The following KLHL32 variants were observed in gnomAD, a reference collection of about 807,000 sequenced individuals.
KLHL32 encodes kelch-like protein 32.
A neutral mutation model predicts 64.8 loss-of-function variants in KLHL32; 35 were observed. The observed-to-expected ratio is 0.54, with a 90% CI of 0.41 to 0.72. The LOEUF is 0.72. KLHL32 is among the 30% of genes least tolerant of loss of function. The pLI is 0.00. For synonymous variants in KLHL32, 259 were observed against 281.0 expected, an observed-to-expected ratio of 0.92 and a Z score of 0.78; for missense variants, 589 against 768.5, an observed-to-expected ratio of 0.77 and a Z score of 2.76.
At chr6:96,953,873 T>C (rs1772939867) in intron 1 of KLHL32, among the ~76,000 whole-genome samples, 1 of 151,662 alleles carries the variant, frequency 6.6e-6, no homozygotes, top group Non-Finnish European at 1.5e-5. Context: ...TTTTTGCTTA[T>C]GTTTTTATAT....
intron 6 of KLHL32, among the ~76,000 whole-genome samples, chr6:97,105,060 T>G (rs555542341): frequency 6.6e-5 from 10 of 152,338 alleles, no homozygotes; most frequent in African/African-American, 1.2e-4. Context: ...TCGCAACACC[T>G]GCTCACTTGC....
Position 96,972,888 on chromosome 6 carries a change from G to T in KLHL32, c.24-3109G>T, listed in dbSNP as rs1214701828. Among the ~76,000 whole-genome samples the T allele has an allele frequency of 3.9e-5, 6 of 152,246 alleles. No homozygotes were observed. In the East Asian group the frequency reaches 9.6e-4, roughly 24 times the overall value. On this transcript the variant is annotated intron_variant, in intron 2 of 10. Coordinates refer to ENST00000369261, the MANE Select transcript of KLHL32 (RefSeq NM_052904.4). ...TTATGACTATTGACTTGGTGAAGTG[G>T]GCGTGCTCCCTTCCAGCTATGTTCT... is the stretch of plus-strand genomic sequence containing the variant.
chr6:96,923,904 A>C (rs1025549310), upstream of KLHL32, among the ~76,000 whole-genome samples: 2 of 152,202 alleles, frequency 1.3e-5, no homozygotes, highest in African/African-American at 4.8e-5. Flanking sequence ...GTTTCTCAGC[A>C]TGTTTTACAC....
chr6:97,111,645 C>A (rs1277464340), intron 6 of KLHL32, among the ~76,000 whole-genome samples: 2 of 152,172 alleles, frequency 1.3e-5, no homozygotes, highest in African/African-American at 4.8e-5. Flanking sequence ...CTTCTTTTAT[C>A]TTTGCCATCT....
At chr6:97,098,796 TA>T (rs1236027504) in intron 6 of KLHL32, among the ~76,000 whole-genome samples, 1 of 152,222 alleles carries the variant, frequency 6.6e-6, no homozygotes. Flanking sequence ...TATAAAATAG[TA>T]AAATAGACCT....
intron 7 of KLHL32, among the ~76,000 whole-genome samples, chr6:97,122,734 G>A (rs923567465): frequency 3.9e-5 from 6 of 152,168 alleles, no homozygotes; most frequent in Non-Finnish European, 8.8e-5. Context: ...TTGCACTCTA[G>A]TTCATCTGAA....
rs929093912 is a variant in KLHL32, at chr6:96,935,779, T to C, written c.-66+10753T>C. Among the ~76,000 whole-genome samples, 10 of 152,172 alleles carry C rather than the reference T, an allele frequency of 6.6e-5. 1 individual carries two copies. Among genetic ancestry groups the C allele is most frequent in the South Asian group, 4.1e-4 (2 of 4,830 alleles). ...GAACAAAATATATGTAAATTTAGAA[T>C]TAAAAGAAAGGAAAATCTCTGTTTT... is the stretch of plus-strand genomic sequence containing the variant. On this transcript the variant is annotated intron_variant, in intron 1 of 10. Transcript: ENST00000369261.
intron 3 of KLHL32, among the ~76,000 whole-genome samples, chr6:96,990,692 G>A (rs1777750820): frequency 6.6e-6 from 1 of 151,948 alleles, no homozygotes; most frequent in Non-Finnish European, 1.5e-5. Flanking sequence ...AGAGAAATAC[G>A]GAGCTGCTAC....
intron 3 of KLHL32, among the ~76,000 whole-genome samples, chr6:97,040,823 G>A (rs760757047): frequency 6.6e-6 from 1 of 152,142 alleles, no homozygotes; most frequent in Non-Finnish European, 1.5e-5. Flanking sequence ...CACAAGATCT[G>A]ATGGTTTTAT....
At chr6:96,987,038 A>G (rs934942692) in intron 3 of KLHL32, among the ~76,000 whole-genome samples, 3 of 152,250 alleles carry the variant, frequency 2.0e-5, no homozygotes, top group South Asian at 2.1e-4. Context: ...TTGTATTTCT[A>G]TGGGATCAGT....
At chr6:96,944,883 G>A (rs1771744115) in intron 1 of KLHL32, among the ~76,000 whole-genome samples, 1 of 152,124 alleles carries the variant, frequency 6.6e-6, no homozygotes, top group Non-Finnish European at 1.5e-5. Context: ...AACAGTCTTA[G>A]GAAGGAAAAG....
chr6:96,912,249 C>T, the KLHL32 span, among the ~76,000 whole-genome samples: 1 of 152,150 alleles, frequency 6.6e-6, no homozygotes, highest in Non-Finnish European at 1.5e-5. Flanking sequence ...TTTCACCCTC[C>T]TCACTGGCTT....
At chr6:97,057,077 G>T (rs188182646) in intron 4 of KLHL32, among the ~76,000 whole-genome samples, 71 of 146,534 alleles carry the variant, frequency 4.8e-4, no homozygotes, top group African/African-American at 1.7e-3. Flanking sequence ...GTTTTAAAAA[G>T]TTAAAACTAT....
At chr6:96,900,630 TTCTC>T in the KLHL32 span, among the ~76,000 whole-genome samples, 2 of 152,214 alleles carry the variant, frequency 1.3e-5, no homozygotes. Context: ...CCTCATGTCT[TTCTC>T]TCTGCCTAGA....
At chr6:96,939,408 T>G (rs1305404005) in intron 1 of KLHL32, among the ~76,000 whole-genome samples, 1 of 152,158 alleles carries the variant, frequency 6.6e-6, no homozygotes, top group East Asian at 1.9e-4. Flanking sequence ...GTGGAAGCAT[T>G]TATCACACGA....
At chr6:97,138,323 G>A (rs1800282206) in intron 10 of KLHL32, among the ~76,000 whole-genome samples, 1 of 152,178 alleles carries the variant, frequency 6.6e-6, no homozygotes, top group Non-Finnish European at 1.5e-5. Context: ...AGGATTGCTT[G>A]AGCCCAGGAG....
Position 97,114,064 on chromosome 6 carries a change from G to A in KLHL32, c.909G>A (p.Lys303=). The A allele has an allele frequency of 1.2e-6, 2 of 1,614,220 alleles. No individual in the cohort carries two copies. Among genetic ancestry groups the A allele is most frequent in the Non-Finnish European group, 1.7e-6 (2 of 1,180,040 alleles). Reference sequence around the variant, plus strand: ...GTGGGAAAAAGCGCGAGGTCTGCAAGGTCAAGGAACTTCGGTACTTCAATC... The same window carrying A: ...GTGGGAAAAAGCGCGAGGTCTGCAAAGTCAAGGAACTTCGGTACTTCAATC... ...IIGGKKREVC[K]VKELRYFNPV... is the part of the protein sequence containing the mutation. Residue 303 remains lysine, a synonymous_variant, in exon 7 of 11, where the codon AAG becomes AAA. Transcript: ENST00000369261.
intron 3 of KLHL32, among the ~76,000 whole-genome samples, chr6:96,991,618 G>T (rs1319246627): frequency 6.6e-6 from 1 of 152,126 alleles, no homozygotes; most frequent in South Asian, 2.1e-4. Flanking sequence ...GCAGGGTGGG[G>T]ACCTGTGTGG....
intron 3 of KLHL32, among the ~76,000 whole-genome samples, chr6:96,981,690 T>G (rs928493324): frequency 2.0e-5 from 3 of 152,170 alleles, no homozygotes; most frequent in African/African-American, 7.2e-5. Context: ...GGGCATTTAG[T>G]ACTGTAAACT....
Sources: allele counts gnomAD v4.1 joint callset (sites outside exome capture counted in the v4.1 genomes callset), GRCh38; gene constraint gnomAD v4.1.1; transcripts MANE v1.5; gene names NCBI Gene and HGNC (gene_info 2026-07-23, HGNC 2026-07-21).